The following PCDHGA12 variants were observed in gnomAD, a reference collection of about 807,000 sequenced individuals.
PCDHGA12 encodes the protein protocadherin gamma subfamily A, 12.
Under a neutral mutation model 61.1 loss-of-function variants are expected in PCDHGA12, and 43 were observed. The observed-to-expected ratio is 0.70, with a 90% CI of 0.55 to 0.91. PCDHGA12 has a LOEUF of 0.91. Ranked by LOEUF, PCDHGA12 falls within the 40% of genes least tolerant of loss-of-function variation. PCDHGA12 has a pLI of 0.00. For synonymous variants in PCDHGA12, 520 were observed against 542.9 expected, an observed-to-expected ratio of 0.96 and a Z score of 0.59; for missense variants, 1,236 against 1,227.7, an observed-to-expected ratio of 1.01 and a Z score of -0.10.
At chr5:141,434,608 C>T (rs142418557) in intron 1 of PCDHGA12, among the ~76,000 whole-genome samples, 1,532 of 152,226 alleles carry the variant, frequency 0.01, 34 homozygotes, top group African/African-American at 0.034. Flanking sequence ...CCTTTATTTC[C>T]GCCCATCTCT....
chr5:141,491,537 C>T lies in PCDHGA12; in HGVS notation c.2425-3270C>T, dbSNP rs1330469043. The T allele has an allele frequency of 3.1e-6, 5 of 1,613,908 alleles. No homozygotes were observed. The highest frequency in any genetic ancestry group is 4.2e-6 in the Non-Finnish European group (5 of 1,180,020). On this transcript the variant is annotated intron_variant, in intron 1 of 3. Transcript: ENST00000252085. This position sits in a 1 kb window ranked among gnomAD's most constrained non-coding sequence, Gnocchi z 6.9. ...AAGTACATGGAGGTGACGCTGCGGC[C>T]CACAGACTCGCAGAGCCACTGCTAC...
Position 141,476,416 on chromosome 5 carries a change from A to G in PCDHGA12, c.2425-18391A>G. On this transcript the variant is annotated intron_variant, in intron 1 of 3. Coordinates refer to ENST00000252085, the MANE Select transcript of PCDHGA12 (RefSeq NM_003735.3). The surrounding 1 kb of genome is among the most constrained non-coding windows in gnomAD (Gnocchi z 7.6). ...TGGATCGAGAGGAGCTGTGTGGGAC[A>G]CTGCCCTCTTGCACTGTAACTCTGG... 1 of 1,614,056 alleles carries G rather than the reference A, an allele frequency of 6.2e-7. No individual in the cohort carries two copies. The highest frequency in any genetic ancestry group is 8.5e-7 in the Non-Finnish European group (1 of 1,179,994).
intron 2 of PCDHGA12, among the ~76,000 whole-genome samples, chr5:141,505,117 G>A (rs575627148): frequency 1.8e-4 from 27 of 152,226 alleles, no homozygotes; most frequent in African/African-American, 3.6e-4. Context: ...AGCCAAGATC[G>A]CGCCACTGCA....
chr5:141,461,255 G>A (rs1466460215), intron 1 of PCDHGA12, among the ~76,000 whole-genome samples: 1 of 152,098 alleles, frequency 6.6e-6, no homozygotes. Flanking sequence ...ATTCCCAGCA[G>A]CAATGTGTAA....
At position 141,494,841 on chromosome 5, in the gene PCDHGA12, A is replaced by G. The variant is rs1163193977; in HGVS notation, c.2459A>G (p.Gln820Arg). ...APPNTDWRFS[Q>R]AQRPGTSGSQ... ...CCCAACACGGACTGGCGTTTCTCTC[A>G]GGCCCAGAGACCCGGCACCAGCGGG... The change falls in exon 2 of 4, where the codon CAG (glutamine) becomes CGG (arginine). Residue 820 changes from glutamine to arginine, a missense_variant. Gln to Arg is a conservative substitution (Grantham distance 43). Coordinates refer to ENST00000252085, the MANE Select transcript of PCDHGA12 (RefSeq NM_003735.3). 1 of 1,613,996 alleles carries G rather than the reference A, an allele frequency of 6.2e-7. No homozygotes were observed. The highest frequency in any genetic ancestry group is 1.1e-5 in the South Asian group (1 of 91,074).
At chr5:141,443,447 C>T (rs1267862519) in intron 1 of PCDHGA12, among the ~76,000 whole-genome samples, 1 of 152,184 alleles carries the variant, frequency 6.6e-6, no homozygotes, top group African/African-American at 2.4e-5. Flanking sequence ...GGTTGCGCTC[C>T]TGTACTCCAG....
intron 1 of PCDHGA12, 57 bp downstream of exon 1, chr5:141,433,240 C>A (rs533423214): frequency 1.3e-6 from 2 of 1,488,038 alleles, no homozygotes; most frequent in Non-Finnish European, 1.8e-6. Flanking sequence ...GTCTCCCAAG[C>A]TGGAATGCAG....
chr5:141,492,557 G>A (rs2154587614), intron 1 of PCDHGA12, among the ~76,000 whole-genome samples: 1 of 152,350 alleles, frequency 6.6e-6, no homozygotes, highest in East Asian at 1.9e-4. Flanking sequence ...TCGCCTGGGG[G>A]GCGGCCTGAG....
intron 1 of PCDHGA12, chr5:141,441,665 A>G (rs994092543): frequency 2.3e-5 from 6 of 265,720 alleles, no homozygotes; most frequent in Non-Finnish European, 3.7e-5. Context: ...CCTTGAGCGC[A>G]CAGTGCGCCT....
Position 141,487,548 on chromosome 5 carries a change from G to T in PCDHGA12, c.2425-7259G>T. The T allele has an allele frequency of 6.2e-7, 1 of 1,614,190 alleles. No homozygotes were observed. Among genetic ancestry groups the T allele is most frequent in the Non-Finnish European group, 8.5e-7 (1 of 1,180,038 alleles). ...AGCTTCATGATGGTGAAGTCACCCA[G>T]TGCACCTATGGCAGGGGAGCCTGTT... is the stretch of plus-strand genomic sequence containing the variant. On this transcript the variant is annotated intron_variant, in intron 1 of 3. Coordinates refer to ENST00000252085, the MANE Select transcript of PCDHGA12 (RefSeq NM_003735.3). The surrounding 1 kb of genome is among the most constrained non-coding windows in gnomAD (Gnocchi z 5.0).
At chr5:141,458,989 T>C (rs1341538997) in intron 1 of PCDHGA12, among the ~76,000 whole-genome samples, 1 of 152,134 alleles carries the variant, frequency 6.6e-6, no homozygotes, top group Non-Finnish European at 1.5e-5. Flanking sequence ...TGCCTCACCC[T>C]CCCAAAGTGC....
At chr5:141,460,961 A>ATG (rs35821115) in intron 1 of PCDHGA12, among the ~76,000 whole-genome samples, 128 of 144,610 alleles carry the variant, frequency 8.9e-4, no homozygotes, top group Middle Eastern at 7.1e-3. Context: ...GTATATATAT[A>ATG]TGTGTGTGTG....
At position 141,491,151 on chromosome 5, in the gene PCDHGA12, T is replaced by C. The variant is rs1283775894; in HGVS notation, c.2425-3656T>C. The C allele has an allele frequency of 6.2e-7, 1 of 1,614,150 alleles. No individual in the cohort carries two copies. On this transcript the variant is annotated intron_variant, in intron 1 of 3. Transcript: ENST00000252085. The surrounding 1 kb of genome is among the most constrained non-coding windows in gnomAD (Gnocchi z 6.9). ...GCACAGCCCGGGCCTTACTGGAGGA[T>C]GACTCTGACACCCAGCAGGTGGTGG...
At position 141,476,639 on chromosome 5, in the gene PCDHGA12, A is replaced by G; in HGVS notation, c.2425-18168A>G. 1.2e-6 allele frequency: 2 copies of G among 1,614,206 alleles called. No individual in the cohort carries two copies. Among genetic ancestry groups the G allele is most frequent in the Non-Finnish European group, 1.7e-6 (2 of 1,180,038 alleles). On this transcript the variant is annotated intron_variant, in intron 1 of 3. Transcript: ENST00000252085. The surrounding 1 kb of genome is among the most constrained non-coding windows in gnomAD (Gnocchi z 7.6). ...CAACTCTTTACAAACCTATGAGCTG[A>G]GCCGAAATGAATACTTTGCGCTTCG...
chr5:141,453,669 G>T (rs1390396079), intron 1 of PCDHGA12, among the ~76,000 whole-genome samples: 1 of 152,034 alleles, frequency 6.6e-6, no homozygotes, highest in Non-Finnish European at 1.5e-5. Context: ...TTACACAAAA[G>T]GTAACACACT....
Position 141,491,676 on chromosome 5 carries a change from T to C in PCDHGA12, c.2425-3131T>C. On this transcript the variant is annotated intron_variant, in intron 1 of 3. Coordinates refer to ENST00000252085, the MANE Select transcript of PCDHGA12 (RefSeq NM_003735.3). The surrounding 1 kb of genome is among the most constrained non-coding windows in gnomAD (Gnocchi z 6.9). ...AGCCTGACGCCATCCGGTCCCGCTC[T>C]AATACGCTGCGGGAGCGGAGCCAGG... 3.1e-6 allele frequency: 5 copies of C among 1,613,546 alleles called. No individual in the cohort carries two copies. Among genetic ancestry groups the C allele is most frequent in the Non-Finnish European group, 4.2e-6 (5 of 1,179,848 alleles).
At chr5:141,510,879 G>T in intron 3 of PCDHGA12, 68 bp from the exon 4 acceptor site, 1 of 1,611,520 alleles carries the variant, frequency 6.2e-7, no homozygotes, top group Non-Finnish European at 8.5e-7. Flanking sequence ...TAACTGCTGG[G>T]GATATAAGAC....
intron 1 of PCDHGA12, among the ~76,000 whole-genome samples, chr5:141,438,349 C>G (rs892834423): frequency 6.6e-6 from 1 of 151,762 alleles, no homozygotes; most frequent in Non-Finnish European, 1.5e-5. Flanking sequence ...AGGATCTACT[C>G]TGTGTATTGT....
chr5:141,461,667 G>C (rs1337688159), intron 1 of PCDHGA12, among the ~76,000 whole-genome samples: 4 of 151,994 alleles, frequency 2.6e-5, no homozygotes, highest in African/African-American at 9.7e-5. Context: ...TTTAAAGTTT[G>C]TTATTTTGTT....
Sources: allele counts gnomAD v4.1 joint callset (sites outside exome capture counted in the v4.1 genomes callset), GRCh38; gene constraint gnomAD v4.1.1; non-coding constraint Gnocchi (gnomAD v3.1); transcripts MANE v1.5; gene names NCBI Gene and HGNC (gene_info 2026-07-23, HGNC 2026-07-21).